CALR3: variants seen among roughly 807,000 people sequenced by gnomAD.
CALR3 encodes calreticulin-3.
Under a neutral mutation model 48.7 loss-of-function variants are expected in CALR3, and 39 were observed. That is an observed-to-expected ratio of 0.80 (90% CI 0.62 to 1.05). CALR3 has a LOEUF of 1.05. Ranked by LOEUF, CALR3 falls within the 50% of genes least tolerant of loss-of-function variation. CALR3 has a pLI of 0.00. For missense variants in CALR3, 449 were observed against 474.7 expected, an observed-to-expected ratio of 0.95 and a Z score of 0.50; for synonymous variants, 185 against 172.7, an observed-to-expected ratio of 1.07 and a Z score of -0.56.
Position 16,485,179 on chromosome 19 carries a change from T to G in CALR3, c.476A>C (p.Lys159Thr), listed in dbSNP as rs2093387315. ...HFKNKYHENKKLIRCKVDGFT... is the reference protein window; with the variant it reads ...HFKNKYHENKTLIRCKVDGFT... ...AGCAGTTACCTTACACCTGATCAGT[T>G]TCTTGTTTTCGTGATACTTATTCTT... Residue 159 changes from lysine to threonine, a missense_variant, in exon 4 of 9, where the codon AAA (lysine) becomes ACA (threonine). Transcript: ENST00000269881. 4 of 1,604,076 alleles carry G rather than the reference T, an allele frequency of 2.5e-6. No individual in the cohort carries two copies. The highest frequency in any genetic ancestry group is 3.4e-6 in the Non-Finnish European group (4 of 1,170,906).
At chr19:16,485,779 G>A (rs545766953) in intron 3 of CALR3, among the ~76,000 whole-genome samples, 32 of 151,860 alleles carry the variant, frequency 2.1e-4, no homozygotes, top group African/African-American at 5.8e-4. Context: ...TCAACCTCCC[G>A]AGTAGAATAG....
chr19:16,495,023 C>T (rs1458578210), intron 2 of CALR3, among the ~76,000 whole-genome samples: 2 of 151,694 alleles, frequency 1.3e-5, no homozygotes, highest in African/African-American at 4.8e-5. Context: ...TTACTTAAGG[C>T]CAGGAGTTTG....
intron 3 of CALR3, 28 bp downstream of exon 3, chr19:16,490,339 G>A (rs2093395832): frequency 5.0e-6 from 8 of 1,601,906 alleles, no homozygotes; most frequent in African/African-American, 2.7e-5. Context: ...GTCACTAGAA[G>A]TGGTTGTGTT....
At chr19:16,479,567 G>A (rs1365994094) in intron 8 of CALR3, among the ~76,000 whole-genome samples, 3 of 147,290 alleles carry the variant, frequency 2.0e-5, no homozygotes, top group Non-Finnish European at 3.0e-5. Flanking sequence ...CATCCTGGGC[G>A]ACAGAGCAAG....
Position 16,486,271 on chromosome 19 carries a change from G to A in CALR3, c.398-1014C>T, listed in dbSNP as rs190278121. Reference sequence around the variant, plus strand: ...GTGGAGGTTGCAGTGAGCTGAGATCGGGCCACTGTACTCCAGCCTGGGTGA... The same window carrying A: ...GTGGAGGTTGCAGTGAGCTGAGATCAGGCCACTGTACTCCAGCCTGGGTGA... On this transcript the variant is annotated intron_variant, in intron 3 of 8. Transcript: ENST00000269881. 1.3e-3 allele frequency among the ~76,000 whole-genome samples: 203 copies of A among 151,788 alleles called. 1 individual carries two copies. The highest frequency in any genetic ancestry group is 8.8e-3 in the Admixed American group (134 of 15,204).
chr19:16,480,707 C>T lies in CALR3; in HGVS notation c.919-1G>A. ...TATCAAAAATGGTTCCAGATCTCACCTGCAGATGAAAATAAGGCCTTCATT... is the reference window on the plus strand; with the variant it reads ...TATCAAAAATGGTTCCAGATCTCACTTGCAGATGAAAATAAGGCCTTCATT... On this transcript the variant is annotated splice_acceptor_variant, in intron 7 of 8. Transcript: ENST00000269881. LOFTEE classifies it high-confidence loss of function. 1 of 1,600,334 alleles carries T rather than the reference C, an allele frequency of 6.2e-7. No individual in the cohort carries two copies.
At chr19:16,482,646 C>CCCAGGGATGTATG in intron 6 of CALR3, 32 bp downstream of exon 6, 1 of 1,614,044 alleles carries the variant, frequency 6.2e-7, no homozygotes, top group South Asian at 1.1e-5. Flanking sequence ...AGCCCTGGGG[C>CCCAGGGATGTATG]ATCCCTGGCA....
At chr19:16,488,214 G>C (rs889106926) in intron 3 of CALR3, among the ~76,000 whole-genome samples, 4 of 152,130 alleles carry the variant, frequency 2.6e-5, no homozygotes, top group African/African-American at 9.7e-5. Flanking sequence ...CTCCCAGAGT[G>C]CTGGGATAAC....
intron 5 of CALR3, among the ~76,000 whole-genome samples, chr19:16,483,354 C>G (rs2122129938): frequency 6.6e-6 from 1 of 152,234 alleles, no homozygotes; most frequent in Non-Finnish European, 1.5e-5. Context: ...CCCTTTCCTG[C>G]ATGCTATGGA....
At chr19:16,494,771 GA>G (rs2093403533) in intron 2 of CALR3, among the ~76,000 whole-genome samples, 2 of 152,304 alleles carry the variant, frequency 1.3e-5, no homozygotes, top group South Asian at 4.1e-4. Context: ...TGTCTATTAA[GA>G]GGGGCAATTT....
Position 16,484,039 on chromosome 19 carries a change from G to A in CALR3, c.569C>T (p.Ser190Leu). The A allele has an allele frequency of 1.2e-6, 2 of 1,614,020 alleles. No homozygotes were observed. The highest frequency in any genetic ancestry group is 2.2e-5 in the South Asian group (2 of 91,070). ...GTACTCTATGCTGCCGGATTCAATT[G>A]ACTGACCATCAATTTTCACATCATA... The part of the protein sequence containing the change: ...LSYDVKIDGQ[S>L]IESGSIEYDW... Residue 190 changes from serine to leucine, a missense_variant, in exon 5 of 9, where the codon TCA (serine) becomes TTA (leucine). Ser to Leu is a moderately radical substitution (Grantham distance 145). Coordinates refer to ENST00000269881, the MANE Select transcript of CALR3 (RefSeq NM_145046.5).
chr19:16,484,141 A>G (rs2093385071), intron 4 of CALR3, 26 bp from the exon 5 acceptor site: 1 of 1,601,608 alleles, frequency 6.2e-7, no homozygotes, highest in African/African-American at 1.3e-5. Flanking sequence ...GGAAAAGCGT[A>G]ACAATTAAAT....
At position 16,479,083 on chromosome 19, in the gene CALR3, A is replaced by C. The variant is rs1462185699; in HGVS notation, c.*48T>G. On this transcript the variant is annotated 3_prime_UTR_variant, in exon 9 of 9. Coordinates refer to ENST00000269881, the MANE Select transcript of CALR3 (RefSeq NM_145046.5). ...ACATTTGAGTTTGAAACATAGATTA[A>C]AGTAGCAATGAGATTTTACCAGTCA... 1 of 1,607,824 alleles carries C rather than the reference A, an allele frequency of 6.2e-7. No individual in the cohort carries two copies. The highest frequency in any genetic ancestry group is 2.2e-5 in the East Asian group (1 of 44,842).
chr19:16,495,756 T>C lies in CALR3; in HGVS notation c.188A>G (p.Asp63Gly). Reference protein sequence around the residue: ...SGKFYGHKEKDKGLQTTQNGR... With the variant: ...SGKFYGHKEKGKGLQTTQNGR... ...GGTCCTGATTCTACACTAACCTTTA[T>C]CTTTCTCTTTATGACCATAAAACTT... The change falls in exon 2 of 9, where the codon GAT (aspartate) becomes GGT (glycine). Residue 63 changes from aspartate to glycine, a missense_variant. By Grantham distance (94) the Asp-to-Gly change is moderately conservative. Coordinates refer to ENST00000269881, the MANE Select transcript of CALR3 (RefSeq NM_145046.5). 1 of 1,612,608 alleles carries C rather than the reference T, an allele frequency of 6.2e-7. No homozygotes were observed. The highest frequency in any genetic ancestry group is 8.5e-7 in the Non-Finnish European group (1 of 1,178,616).
At chr19:16,488,065 G>A (rs571399493) in intron 3 of CALR3, among the ~76,000 whole-genome samples, 29 of 152,036 alleles carry the variant, frequency 1.9e-4, no homozygotes, top group Non-Finnish European at 3.8e-4. Context: ...TGCCCACCTC[G>A]GCCTCCCAAA....
At position 16,482,766 on chromosome 19, in the gene CALR3, A is replaced by C; in HGVS notation, c.698T>G (p.Leu233Arg). 1 of 1,613,452 alleles carries C rather than the reference A, an allele frequency of 6.2e-7. No individual in the cohort carries two copies. Among genetic ancestry groups the C allele is most frequent in the South Asian group, 1.1e-5 (1 of 91,046 alleles). Residue 233 changes from leucine to arginine, a missense_variant, in exon 6 of 9, where the codon CTG becomes CGG. Transcript: ENST00000269881. ...GCTCTGCTTGCTGGTGCTGGCGTCC[A>C]GAAAATGCTTCTCCCAGTCCTTCAA... Reference protein sequence around the residue: ...NKAQDWEKHFLDASTSKQSDW... With the variant: ...NKAQDWEKHFRDASTSKQSDW...
chr19:16,485,134 C>G, intron 4 of CALR3, 29 bp downstream of exon 4: 3 of 1,410,778 alleles, frequency 2.1e-6, no homozygotes, highest in Non-Finnish European at 3.0e-6. Flanking sequence ...GGAGTTAACA[C>G]TCATTTATTT....
At chr19:16,484,155 C>CG (rs746613806) in intron 4 of CALR3, 40 bp from the exon 5 acceptor site, 1 of 1,360,638 alleles carries the variant, frequency 7.3e-7, no homozygotes. Context: ...ATTAAATCCT[C>CG]AATTTCTTTT....
chr19:16,487,445 A>G (rs1400428169), intron 3 of CALR3, among the ~76,000 whole-genome samples: 2 of 133,516 alleles, frequency 1.5e-5, no homozygotes, highest in Non-Finnish European at 3.1e-5. Flanking sequence ...GTGCCGTTGC[A>G]CTCCAGCCTG....
Sources: allele counts gnomAD v4.1 joint callset (sites outside exome capture counted in the v4.1 genomes callset), GRCh38; gene constraint gnomAD v4.1.1; transcripts MANE v1.5; gene names NCBI Gene and HGNC (gene_info 2026-07-23, HGNC 2026-07-21).